The following PILRB variants were observed in gnomAD, a reference collection of about 807,000 sequenced individuals.
PILRB encodes the protein paired immunoglobin like type 2 receptor beta, also known as paired immunoglobulin-like type 2 receptor beta.
Under a neutral mutation model 20.5 loss-of-function variants are expected in PILRB, and 21 were observed. The observed-to-expected ratio is 1.02, with a 90% CI of 0.72 to 1.47. The LOEUF is 1.47. Ranked by LOEUF, PILRB falls within the 40% of genes most tolerant of loss-of-function variation. PILRB has a pLI of 0.00. For synonymous variants in PILRB, 133 were observed against 115.1 expected (o/e 1.16, Z -0.99); for missense variants, 253 against 272.1 (o/e 0.93, Z 0.49).
intron 3 of PILRB, among the ~76,000 whole-genome samples, chr7:100,362,140 AG>A (rs1790545378): frequency 6.6e-6 from 1 of 152,106 alleles, no homozygotes; most frequent in South Asian, 2.1e-4. Context: ...AAAGTCAGTG[AG>A]GTTCAACAAG....
At chr7:100,366,916 G>T (rs546180883) in intron 3 of PILRB, among the ~76,000 whole-genome samples, 5 of 151,942 alleles carry the variant, frequency 3.3e-5, no homozygotes, top group Non-Finnish European at 7.4e-5. Flanking sequence ...GAACAGGTCG[G>T]GGGGGAGCCT....
chr7:100,366,464 G>A (rs1790689146), intron 3 of PILRB, among the ~76,000 whole-genome samples: 1 of 152,114 alleles, frequency 6.6e-6, no homozygotes, highest in Non-Finnish European at 1.5e-5. Context: ...ATGGTGGAGG[G>A]GATGTCTGTG....
At chr7:100,359,275 G>A in intron 2 of PILRB, 62 bp from the exon 3 acceptor site, 1 of 1,569,100 alleles carries the variant, frequency 6.4e-7, no homozygotes, top group Non-Finnish European at 8.8e-7. Flanking sequence ...AGCACACCAT[G>A]CCTTTCATCC....
At chr7:100,365,473 A>G (rs1790653151) in intron 3 of PILRB, among the ~76,000 whole-genome samples, 3 of 152,290 alleles carry the variant, frequency 2.0e-5, no homozygotes, top group African/African-American at 7.2e-5. Flanking sequence ...GGTGGTTGTC[A>G]GGGGCACAGA....
chr7:100,358,862 G>A lies in PILRB; in HGVS notation c.237G>A (p.Gln79=). The change falls in exon 2 of 4, where the codon CAG becomes CAA. Residue 79 remains glutamine, a synonymous_variant. Coordinates refer to ENST00000609309, the MANE Select transcript of PILRB (RefSeq NM_178238.4). ...GGAGACGGGGCCACTTCCACGGGCA[G>A]TCCTTCTACAGCACAAGGCCGCCTT... ...ISWRRGHFHG[Q]SFYSTRPPSI... 1 of 1,614,138 alleles carries A rather than the reference G, an allele frequency of 6.2e-7. No individual in the cohort carries two copies. Among genetic ancestry groups the A allele is most frequent in the African/African-American group, 1.3e-5 (1 of 75,032 alleles).
chr7:100,366,058 ATTC>A lies in PILRB; in HGVS notation c.656-1286_656-1284del, dbSNP rs1451649440. ...AACCTCCACCTCCCAGGGTCAAGCA[ATTC>A]TTCTGCATCAGCCTCCTGAGTAGCT... On this transcript the variant is annotated intron_variant, in intron 3 of 3. Coordinates refer to ENST00000609309, the MANE Select transcript of PILRB (RefSeq NM_178238.4). Among the ~76,000 whole-genome samples, 6 of 151,198 alleles carry A rather than the reference ATTC, an allele frequency of 4.0e-5. No homozygotes were observed. The East Asian group carries it at 7.8e-4, about 20-fold the overall frequency.
At chr7:100,361,485 C>T (rs919361288) in intron 3 of PILRB, among the ~76,000 whole-genome samples, 3 of 152,046 alleles carry the variant, frequency 2.0e-5, no homozygotes, top group East Asian at 1.9e-4. Flanking sequence ...TGAGGTCAGG[C>T]GTTCAAGACC....
chr7:100,358,493 T>A (rs536657907), intron 1 of PILRB, 127 bp downstream of exon 1: 90 of 1,289,000 alleles, frequency 7.0e-5, no homozygotes, highest in South Asian at 1.6e-4. Context: ...GCGGGTCCCA[T>A]AGGGGTGGGT....
At chr7:100,360,948 G>GT (rs1790507567) in intron 3 of PILRB, among the ~76,000 whole-genome samples, 2 of 151,906 alleles carry the variant, frequency 1.3e-5, no homozygotes, top group Admixed American at 1.3e-4. Context: ...TTTGTTTTTT[G>GT]TTTTTGAGAC....
intron 3 of PILRB, among the ~76,000 whole-genome samples, chr7:100,362,809 G>GA (rs1484784461): frequency 2.6e-5 from 4 of 151,930 alleles, no homozygotes; most frequent in African/African-American, 7.3e-5. Flanking sequence ...TGCCCAGCCT[G>GA]AACACCCTTT....
chr7:100,364,248 G>A (rs1217922224), intron 3 of PILRB, among the ~76,000 whole-genome samples: 1 of 152,166 alleles, frequency 6.6e-6, no homozygotes, highest in Non-Finnish European at 1.5e-5. Flanking sequence ...TTCAACAAAT[G>A]GTGTTGAGAA....
intron 3 of PILRB, among the ~76,000 whole-genome samples, chr7:100,367,111 C>T (rs555795498): frequency 3.3e-5 from 5 of 152,248 alleles, no homozygotes. Flanking sequence ...CGGACTAAAG[C>T]CACAACCCCA....
chr7:100,366,693 C>T (rs1049649653), intron 3 of PILRB, among the ~76,000 whole-genome samples: 2 of 151,938 alleles, frequency 1.3e-5, no homozygotes, highest in African/African-American at 2.4e-5. Context: ...AGAAGGAAAC[C>T]ACAGGCGCGG....
At position 100,367,608 on chromosome 7, in the gene PILRB, T is replaced by C. The variant is rs73161748; in HGVS notation, c.*231T>C. The C allele has an allele frequency of 4.5e-3, 2,575 of 573,708 alleles. 12 individuals carry two copies. The highest frequency in any genetic ancestry group is 5.9e-3 in the Non-Finnish European group (1,895 of 318,838). 35.5% of individuals were successfully genotyped at this position (573,708 alleles called of 1,614,324 possible). The stretch of plus-strand genomic sequence containing the variant: ...CAGGAGCATCCACACTGCAATGATA[T>C]AGGAATGAGGTCTGAACTCCACTGA... On this transcript the variant is annotated 3_prime_UTR_variant, in exon 4 of 4. Coordinates refer to ENST00000609309, the MANE Select transcript of PILRB (RefSeq NM_178238.4).
rs146633143 is a variant in PILRB at position 100,362,083 on chromosome 7, A to G, written c.655+2546A>G. ...AGCAGGAATGGAGAGCAGGGGGGTC[A>G]GCAGGAAGCTTGGAGAATCTGCAAA... On this transcript the variant is annotated intron_variant, in intron 3 of 3. Transcript: ENST00000609309. Among the ~76,000 whole-genome samples the G allele has an allele frequency of 5.9e-5, 9 of 152,304 alleles. No homozygotes were observed. The East Asian group carries it at 1.7e-3, about 29-fold the overall frequency.
At chr7:100,358,583 T>C in intron 1 of PILRB, 107 bp from the exon 2 acceptor site, 1 of 1,436,728 alleles carries the variant, frequency 7.0e-7, no homozygotes, top group East Asian at 2.3e-5. Context: ...CAGCCACCTG[T>C]CACACGACTG....
intron 3 of PILRB, among the ~76,000 whole-genome samples, chr7:100,366,344 C>T (rs749824868): frequency 6.6e-6 from 1 of 151,962 alleles, no homozygotes; most frequent in East Asian, 1.9e-4. Context: ...CATTAAAAAA[C>T]AAAAAACCTG....
In PILRB at chr7:100,359,521, G is replaced by A. The variant is rs1790469377; in HGVS notation, c.639G>A (p.Trp213Ter). Residue 213 changes from tryptophan (W) to a stop codon, truncating the protein, a stop_gained, in exon 3 of 4, where the codon TGG becomes TGA. Transcript: ENST00000609309. LOFTEE classifies it high-confidence loss of function. ...GACTGCTGTGCCTCCTCCTCCTGTGGTGGAGGAGAAGGAAAGGTAAGTGCC... is the reference window on the plus strand; with the variant it reads ...GACTGCTGTGCCTCCTCCTCCTGTGATGGAGGAGAAGGAAAGGTAAGTGCC... ...ILGLLCLLLL[W>*]WRRRKGSRAP... 6.2e-7 allele frequency: 1 copy of A among 1,613,972 alleles called. No individual in the cohort carries two copies. The highest frequency in any genetic ancestry group is 1.3e-5 in the African/African-American group (1 of 74,936).
chr7:100,358,606 G>T, intron 1 of PILRB, 84 bp from the exon 2 acceptor site: 1 of 1,527,022 alleles, frequency 6.5e-7, no homozygotes, highest in South Asian at 1.2e-5. Flanking sequence ...TGTGGGTGAA[G>T]GTGTGGGAGG....
Sources: gnomAD v4.1 joint callset for allele counts (sites outside exome capture counted in the v4.1 genomes callset) on GRCh38, gnomAD v4.1.1 for gene constraint, MANE v1.5 for transcripts, NCBI Gene and HGNC (gene_info 2026-07-23, HGNC 2026-07-21) for gene names.